Variants in C16orf87 observed in about 807,000 individuals in gnomAD.
C16orf87 encodes the protein HDAC and MIER1 interacting protein 1.
C16orf87 carries 13 observed loss-of-function variants against 21.0 expected under a neutral mutation model. The ratio of observed to expected loss-of-function variants is 0.62; its 90% CI spans 0.40 to 0.98. The LOEUF (loss-of-function observed/expected upper bound fraction) is 0.98. Among genes scored for constraint, C16orf87 ranks in the 50% least tolerant of loss-of-function variants. The pLI is 0.00. For missense variants in C16orf87, 113 were observed against 180.4 expected (o/e 0.63, Z 2.14); for synonymous variants, 49 against 60.2 (o/e 0.81, Z 0.86).
rs1455790485 is a variant in C16orf87 at position 46,802,697 on chromosome 16, T to C, written c.*255A>G. The C allele has an allele frequency of 3.6e-6, 1 of 278,084 alleles. No individual in the cohort carries two copies. The highest frequency in any genetic ancestry group is 6.6e-6 in the Non-Finnish European group (1 of 150,856). 17.2% of individuals were successfully genotyped at this position (278,084 alleles called of 1,614,324 possible). On this transcript the variant is annotated 3_prime_UTR_variant, in exon 4 of 4. Transcript: ENST00000285697. ...CAGCATTTTTGTTGGTTTTTTTTTG[T>C]TGTTGGCAAATACACTTACTTATAT...
intron 3 of C16orf87, among the ~76,000 whole-genome samples, chr16:46,806,793 A>G (rs1217062536): frequency 6.6e-6 from 1 of 152,152 alleles, no homozygotes; most frequent in Non-Finnish European, 1.5e-5. Context: ...ATTCTGTTTC[A>G]AAATAGAAAA....
intron 2 of C16orf87, among the ~76,000 whole-genome samples, chr16:46,821,336 G>A (rs1959407519): frequency 6.6e-6 from 1 of 152,168 alleles, no homozygotes; most frequent in East Asian, 1.9e-4. Flanking sequence ...TGACCCCCAC[G>A]TCTGTACTCT....
At chr16:46,814,565 TA>T (rs1343124410) in intron 2 of C16orf87, among the ~76,000 whole-genome samples, 1 of 152,210 alleles carries the variant, frequency 6.6e-6, no homozygotes, top group Non-Finnish European at 1.5e-5. Flanking sequence ...CTCCTGCCAC[TA>T]AACTCCCAAT....
chr16:46,810,082 C>A (rs1233551700), intron 2 of C16orf87, among the ~76,000 whole-genome samples: 5 of 152,156 alleles, frequency 3.3e-5, no homozygotes, highest in African/African-American at 4.8e-5. Context: ...TCCATAGCAA[C>A]CTTTCTGCCT....
In C16orf87 at chr16:46,799,685, T is replaced by C. The variant is rs916044069; in HGVS notation, c.*3267A>G. 6.6e-5 allele frequency: 10 copies of C among 152,268 alleles called. No individual in the cohort carries two copies. The highest frequency in any genetic ancestry group is 3.8e-4 in the East Asian group (2 of 5,202). 9.4% of individuals were successfully genotyped at this position (152,268 alleles called of 1,614,324 possible). On this transcript the variant is annotated 3_prime_UTR_variant, in exon 4 of 4. Coordinates refer to ENST00000285697, the MANE Select transcript of C16orf87 (RefSeq NM_001001436.4). ...ATACTTTTTTCACACAGGGTGTTTC[T>C]TGCTCTGCCTCCCAGGCTGGAGTGC...
intron 2 of C16orf87, among the ~76,000 whole-genome samples, chr16:46,814,082 G>A (rs1968174513): frequency 6.6e-6 from 1 of 152,204 alleles, no homozygotes; most frequent in Non-Finnish European, 1.5e-5. Flanking sequence ...AAATATATCT[G>A]TGGTGCTGGA....
At chr16:46,822,110 G>A (rs1300266411) in intron 2 of C16orf87, among the ~76,000 whole-genome samples, 1 of 152,074 alleles carries the variant, frequency 6.6e-6, no homozygotes, top group Non-Finnish European at 1.5e-5. Flanking sequence ...GAATACAGTG[G>A]TACAATCACA....
intron 3 of C16orf87, among the ~76,000 whole-genome samples, chr16:46,807,608 G>A (rs559705524): frequency 6.6e-6 from 1 of 152,294 alleles, no homozygotes. Flanking sequence ...GACAGAGATA[G>A]TATGGCCCAC....
chr16:46,821,911 TC>T (rs931047891), intron 2 of C16orf87, among the ~76,000 whole-genome samples: 3 of 152,182 alleles, frequency 2.0e-5, no homozygotes, highest in Non-Finnish European at 4.4e-5. Context: ...TCTTCATCTT[TC>T]CCCCACAGCT....
At chr16:46,814,367 A>G (rs1343659997) in intron 2 of C16orf87, among the ~76,000 whole-genome samples, 4 of 152,236 alleles carry the variant, frequency 2.6e-5, no homozygotes, top group African/African-American at 7.2e-5. Context: ...CTATGTATAC[A>G]GAGCAACTGA....
chr16:46,798,827 C>T lies in C16orf87; in HGVS notation c.*4125G>A, dbSNP rs1031068618. On this transcript the variant is annotated 3_prime_UTR_variant, in exon 4 of 4. Coordinates refer to ENST00000285697, the MANE Select transcript of C16orf87 (RefSeq NM_001001436.4). ...GAGAAAAAAGGTCCTATCAATTATG[C>T]AGAAAAAGCATCTGACAAAATTCAA... 1.3e-5 allele frequency: 2 copies of T among 151,864 alleles called. No homozygotes were observed. The highest frequency in any genetic ancestry group is 4.8e-5 in the African/African-American group (2 of 41,340). 9.4% of individuals were successfully genotyped at this position (151,864 alleles called of 1,614,324 possible).
chr16:46,806,801 A>G (rs1967943930), intron 3 of C16orf87, among the ~76,000 whole-genome samples: 1 of 152,200 alleles, frequency 6.6e-6, no homozygotes, highest in South Asian at 2.1e-4. Context: ...TCAAAATAGA[A>G]AAGTCATTTT....
rs990640070 is a variant in C16orf87, at chr16:46,824,326, C to A, written c.163+60G>T. ...ACAAAAAATGTAAATAGAAACTTCA[C>A]AAAAATTAACTTTACATTTCTACAT... On this transcript the variant is annotated intron_variant, in intron 2 of 3. Coordinates refer to ENST00000285697, the MANE Select transcript of C16orf87 (RefSeq NM_001001436.4). 3 of 797,360 alleles carry A rather than the reference C, an allele frequency of 3.8e-6. No homozygotes were observed. The Admixed American group carries it at 7.6e-5, about 20-fold the overall frequency. 49.4% of individuals were successfully genotyped at this position (797,360 alleles called of 1,614,324 possible). A position where few individuals can be genotyped will look rare whatever the true frequency, so the allele number is the denominator to read the frequency against.
chr16:46,807,045 T>C (rs2143059986), intron 3 of C16orf87, among the ~76,000 whole-genome samples: 1 of 152,378 alleles, frequency 6.6e-6, no homozygotes, highest in Non-Finnish European at 1.5e-5. Context: ...CAAAAGTTCA[T>C]GTTAGATTGG....
chr16:46,831,015 G>T, intron 1 of C16orf87, 69 bp downstream of exon 1: 1 of 1,293,302 alleles, frequency 7.7e-7, no homozygotes, highest in South Asian at 1.4e-5. Context: ...GCCCGGCGAG[G>T]CCCCCCTCCA....
At chr16:46,803,100 T>C in intron 3 of C16orf87, 30 bp from the exon 4 acceptor site, 1 of 1,086,846 alleles carries the variant, frequency 9.2e-7, no homozygotes, top group South Asian at 1.4e-5. Context: ...AAGTTTAATA[T>C]AAAGGCAGTA....
At chr16:46,806,257 T>A (rs1307754151) in intron 3 of C16orf87, among the ~76,000 whole-genome samples, 1 of 143,418 alleles carries the variant, frequency 7.0e-6, no homozygotes, top group African/African-American at 2.5e-5. Flanking sequence ...CTACATTCAT[T>A]TTTTTTTTTT....
rs545895053 is a variant in C16orf87, at chr16:46,824,659, T to C, written c.67-177A>G. Among the ~76,000 whole-genome samples the C allele has an allele frequency of 3.7e-5, 5 of 133,884 alleles. No individual in the cohort carries two copies. The East Asian group carries it at 6.8e-4, about 18-fold the overall frequency. 87.8% of individuals were successfully genotyped at this position (133,884 alleles called of 152,430 possible). ...AGATGAGTATCATATCACATAGATATTCACATTCTTTTTTTTTTTTTTTTG... is the reference window on the plus strand; with the variant it reads ...AGATGAGTATCATATCACATAGATACTCACATTCTTTTTTTTTTTTTTTTG... On this transcript the variant is annotated intron_variant, in intron 1 of 3. Coordinates refer to ENST00000285697, the MANE Select transcript of C16orf87 (RefSeq NM_001001436.4).
intron 2 of C16orf87, among the ~76,000 whole-genome samples, chr16:46,820,778 C>A (rs1236784551): frequency 6.6e-6 from 1 of 152,196 alleles, no homozygotes; most frequent in South Asian, 2.1e-4. Flanking sequence ...ACTGGTAAGA[C>A]TGGTCTCCAA....
Sources: gnomAD v4.1 joint callset for allele counts (sites outside exome capture counted in the v4.1 genomes callset) on GRCh38, gnomAD v4.1.1 for gene constraint, MANE v1.5 for transcripts, NCBI Gene and HGNC (gene_info 2026-07-23, HGNC 2026-07-21) for gene names.